CSGALNACT1: variants seen among roughly 807,000 people sequenced by gnomAD.
The protein encoded by CSGALNACT1 is chondroitin sulfate N-acetylgalactosaminyltransferase 1, also known as beta4GalNAcT-1.
In CSGALNACT1, 52 loss-of-function variants were observed where a neutral mutation model predicts 51.0. The ratio of observed to expected loss-of-function variants is 1.02; its 90% CI spans 0.82 to 1.29. The LOEUF (loss-of-function observed/expected upper bound fraction) is 1.29, where lower values mean the gene tolerates loss of function less well. CSGALNACT1 is among the 50% of genes most tolerant of loss of function. The pLI is 0.00. For missense variants in CSGALNACT1, 935 were observed against 679.2 expected (o/e 1.38, Z -4.19); for synonymous variants, 341 against 254.4 (o/e 1.34, Z -3.24).
At chr8:19,638,237 C>G (rs926540773) in intron 1 of CSGALNACT1, among the ~76,000 whole-genome samples, 6 of 149,376 alleles carry the variant, frequency 4.0e-5, no homozygotes, top group African/African-American at 1.5e-4. Context: ...AATGTCCGCT[C>G]CTGAGAGAGG....
chr8:19,411,770 A>G (rs2055796470), intron 8 of CSGALNACT1, among the ~76,000 whole-genome samples: 2 of 152,088 alleles, frequency 1.3e-5, no homozygotes, highest in African/African-American at 2.4e-5. Flanking sequence ...AGGAGACTTT[A>G]AAAGAAAAAC....
intron 1 of CSGALNACT1, among the ~76,000 whole-genome samples, chr8:19,651,930 G>GT (rs201687449): frequency 0.43 from 63,199 of 145,392 alleles, 13,707 homozygotes; most frequent in Middle Eastern, 0.54. Flanking sequence ...TTTTTGTTTT[G>GT]TTTTGTTTTG....
intron 4 of CSGALNACT1, among the ~76,000 whole-genome samples, chr8:19,492,355 T>C (rs780839997): frequency 3.3e-5 from 5 of 152,202 alleles, no homozygotes; most frequent in Non-Finnish European, 7.3e-5. Context: ...TAGTAGACAT[T>C]TGGTGAATGT....
intron 1 of CSGALNACT1, among the ~76,000 whole-genome samples, chr8:19,687,884 T>C (rs928119480): frequency 5.3e-5 from 8 of 152,220 alleles, no homozygotes; most frequent in African/African-American, 1.9e-4. Flanking sequence ...CTGAAGCAGA[T>C]ACTGTATAAC....
intron 1 of CSGALNACT1, among the ~76,000 whole-genome samples, chr8:19,730,614 CGTT>C (rs779837960): frequency 3.3e-5 from 5 of 152,188 alleles, no homozygotes; most frequent in Non-Finnish European, 5.9e-5. Context: ...TGCTGTCTGT[CGTT>C]GTGTGCAGAG....
chr8:19,442,720 A>AAG (rs1056201697), intron 5 of CSGALNACT1, among the ~76,000 whole-genome samples: 1 of 151,676 alleles, frequency 6.6e-6, no homozygotes, highest in African/African-American at 2.4e-5. Context: ...AAAGTATAAA[A>AAG]AAAAAAAAAG....
intron 3 of CSGALNACT1, among the ~76,000 whole-genome samples, chr8:19,520,196 A>T (rs1291958034): frequency 3.3e-5 from 5 of 152,356 alleles, no homozygotes; most frequent in African/African-American, 1.2e-4. Context: ...GGGACTACAG[A>T]ATGCACGTAT....
chr8:19,502,492 T>A (rs2076588492), intron 4 of CSGALNACT1, among the ~76,000 whole-genome samples: 1 of 152,212 alleles, frequency 6.6e-6, no homozygotes, highest in African/African-American at 2.4e-5. Flanking sequence ...ACTTTTCTTG[T>A]TATTTTTTAA....
intron 4 of CSGALNACT1, among the ~76,000 whole-genome samples, chr8:19,480,030 T>C (rs2070919085): frequency 6.6e-6 from 1 of 152,210 alleles, no homozygotes; most frequent in African/African-American, 2.4e-5. Context: ...TTTGTTTGAA[T>C]TACAAATAAC....
chr8:19,694,027 CA>C (rs1468209238), intron 1 of CSGALNACT1, among the ~76,000 whole-genome samples: 1 of 151,920 alleles, frequency 6.6e-6, no homozygotes, highest in Non-Finnish European at 1.5e-5. Flanking sequence ...TCAAATACAG[CA>C]ATTTTAATCT....
At chr8:19,563,801 C>T (rs904736306) in intron 3 of CSGALNACT1, among the ~76,000 whole-genome samples, 12 of 152,282 alleles carry the variant, frequency 7.9e-5, no homozygotes, top group African/African-American at 2.4e-4. Flanking sequence ...TAACTCCCAG[C>T]GACTCATACA....
chr8:19,505,642 C>T (rs1354968254), exon 4 of CSGALNACT1: 1 of 1,614,168 alleles, frequency 6.2e-7, no homozygotes, highest in Non-Finnish European at 8.5e-7. Flanking sequence ...TGCTGCTCCT[C>T]CCACTCCTGA....
chr8:19,556,274 G>A (rs1388105420), intron 3 of CSGALNACT1, among the ~76,000 whole-genome samples: 3 of 151,948 alleles, frequency 2.0e-5, no homozygotes, highest in African/African-American at 7.3e-5. Context: ...TACTCGGGAG[G>A]CTGAGGCAGG....
chr8:19,682,480 C>G (rs192140590), exon 1 of CSGALNACT1: 4,362 of 353,558 alleles, frequency 0.012, 55 homozygotes, highest in Non-Finnish European at 0.018. Context: ...CACCCACACA[C>G]GAGATCAAAA....
chr8:19,472,296 G>C (rs933236965), intron 4 of CSGALNACT1, among the ~76,000 whole-genome samples: 3 of 152,170 alleles, frequency 2.0e-5, no homozygotes, highest in Non-Finnish European at 4.4e-5. Flanking sequence ...CAAAACTTAA[G>C]ATACAGGCAG....
At chr8:19,433,354 G>A (rs1381481696) in intron 6 of CSGALNACT1, among the ~76,000 whole-genome samples, 4 of 152,174 alleles carry the variant, frequency 2.6e-5, no homozygotes, top group African/African-American at 9.7e-5. Flanking sequence ...GACATACATG[G>A]GTTTTAAGTA....
intron 1 of CSGALNACT1, among the ~76,000 whole-genome samples, chr8:19,626,686 G>C (rs922629728): frequency 6.6e-6 from 1 of 152,176 alleles, no homozygotes; most frequent in Non-Finnish European, 1.5e-5. Flanking sequence ...GTCTGACTAA[G>C]GACTTGCTTT....
At chr8:19,723,753 AC>A (rs2063250813) in intron 1 of CSGALNACT1, among the ~76,000 whole-genome samples, 1 of 152,220 alleles carries the variant, frequency 6.6e-6, no homozygotes, top group Non-Finnish European at 1.5e-5. Flanking sequence ...ATGGTACCGT[AC>A]ATGAGAAAAT....
intron 8 of CSGALNACT1, among the ~76,000 whole-genome samples, chr8:19,416,816 A>T (rs1290806247): frequency 3.3e-5 from 5 of 152,082 alleles, no homozygotes; most frequent in Admixed American, 6.6e-5. Flanking sequence ...CTGACGATAC[A>T]TGACATCTCT....
Sources: allele counts gnomAD v4.1 joint callset (sites outside exome capture counted in the v4.1 genomes callset), GRCh38; gene constraint gnomAD v4.1.1; transcripts MANE v1.5; gene names NCBI Gene and HGNC (gene_info 2026-07-23, HGNC 2026-07-21).